The following MTIF2 variants were observed in gnomAD, a reference collection of about 807,000 sequenced individuals.
MTIF2 encodes the protein mitochondrial translational initiation factor 2.
MTIF2 carries 71 observed loss-of-function variants against 83.5 expected under a neutral mutation model. The observed-to-expected ratio is 0.85, with a 90% CI of 0.70 to 1.04. The LOEUF is 1.04. MTIF2 is among the 50% of genes least tolerant of loss of function. The pLI, the probability that MTIF2 is intolerant of heterozygous loss-of-function variation, is 0.00. For synonymous variants in MTIF2, 319 were observed against 287.1 expected (o/e 1.11, Z -1.12); for missense variants, 957 against 846.5 (o/e 1.13, Z -1.62).
chr2:55,237,654 T>TTC lies in MTIF2; in HGVS notation c.1871-227_1871-226insGA, dbSNP rs1553366552. On this transcript the variant is annotated intron_variant, in intron 14 of 15. Coordinates refer to ENST00000263629, the MANE Select transcript of MTIF2 (RefSeq NM_002453.3). The stretch of plus-strand genomic sequence containing the variant: ...TCTTTTCCTTTTCTTTTTTTCTTTT[T>TTC]TTTTTTTTTTTTTTGAGACAGAGTC... 1.7e-4 allele frequency among the ~76,000 whole-genome samples: 24 copies of TTC among 139,342 alleles called. 1 individual carries two copies. The highest frequency in any genetic ancestry group is 2.9e-4 in the Admixed American group (4 of 14,002). 91.4% of individuals were successfully genotyped at this position (139,342 alleles called of 152,430 possible).
intron 5 of MTIF2, among the ~76,000 whole-genome samples, chr2:55,261,941 C>CA (rs5831348): frequency 0.11 from 9,340 of 86,974 alleles, 971 homozygotes; most frequent in African/African-American, 0.32. Flanking sequence ...AAAAAAAAAC[C>CA]AAAAAAAAAA....
intron 13 of MTIF2, among the ~76,000 whole-genome samples, chr2:55,240,573 C>T (rs911721913): frequency 6.6e-6 from 1 of 151,914 alleles, no homozygotes; most frequent in African/African-American, 2.4e-5. Flanking sequence ...GAGCAAAACT[C>T]CATCTCAAAA....
Position 55,242,980 on chromosome 2 carries a change from A to G in MTIF2, c.1665T>C (p.Asp555=). 6.2e-7 allele frequency: 1 copy of G among 1,612,592 alleles called. No individual in the cohort carries two copies. The highest frequency in any genetic ancestry group is 8.5e-7 in the Non-Finnish European group (1 of 1,179,386). Residue 555 remains aspartate (D), a synonymous_variant, in exon 13 of 16, where the codon GAT becomes GAC. Transcript: ENST00000263629. ...CAAGGTTAACATCATTTGCACTTAC[A>G]TCACCCACTCCAAAATGTACTAATT... ...ELELVHFGVG[D]VSANDVNLAE... is the part of the protein sequence containing the mutation.
At chr2:55,257,703 C>G (rs1031525568) in intron 5 of MTIF2, among the ~76,000 whole-genome samples, 2 of 152,144 alleles carry the variant, frequency 1.3e-5, no homozygotes, top group Non-Finnish European at 2.9e-5. Flanking sequence ...AGTCTTTTTA[C>G]CATATAGATA....
At chr2:55,245,269 C>T (rs1458260437) in intron 10 of MTIF2, among the ~76,000 whole-genome samples, 1 of 152,042 alleles carries the variant, frequency 6.6e-6, no homozygotes, top group African/African-American at 2.4e-5. Context: ...CGCCTGTAAT[C>T]CCAGCACTTT....
At chr2:55,264,871 C>T (rs1678310877) in intron 3 of MTIF2, among the ~76,000 whole-genome samples, 1 of 152,088 alleles carries the variant, frequency 6.6e-6, no homozygotes, top group Non-Finnish European at 1.5e-5. Context: ...CCTCTATTGC[C>T]TCTGCTCTCA....
chr2:55,242,284 T>C (rs77138548), intron 13 of MTIF2, among the ~76,000 whole-genome samples: 1 of 152,224 alleles, frequency 6.6e-6, no homozygotes, highest in African/African-American at 2.4e-5. Context: ...TTTTCAGTAG[T>C]AGAGGTGATA....
At chr2:55,241,342 C>G (rs1310640652) in intron 13 of MTIF2, among the ~76,000 whole-genome samples, 1 of 150,666 alleles carries the variant, frequency 6.6e-6, no homozygotes, top group Non-Finnish European at 1.5e-5. Context: ...CTCTTGAACC[C>G]AGGAGGTGGT....
intron 9 of MTIF2, among the ~76,000 whole-genome samples, 176 bp downstream of exon 9, chr2:55,249,219 G>C (rs954253062): frequency 3.9e-5 from 6 of 152,122 alleles, no homozygotes; most frequent in African/African-American, 1.4e-4. Context: ...TGACCTCTCT[G>C]AGCCTAACTC....
intron 4 of MTIF2, among the ~76,000 whole-genome samples, chr2:55,263,200 T>C (rs979586557): frequency 2.6e-5 from 4 of 152,172 alleles, no homozygotes; most frequent in Non-Finnish European, 4.4e-5. Flanking sequence ...CCATAAGTAG[T>C]TAAACCTTAA....
At chr2:55,268,989 TG>T (rs1678639427) in intron 1 of MTIF2, 179 bp downstream of exon 1, 1 of 152,006 alleles carries the variant, frequency 6.6e-6, no homozygotes, top group South Asian at 2.1e-4. Flanking sequence ...ACAGTGCACA[TG>T]CCTTCGTGAA....
chr2:55,243,478 A>T lies in MTIF2; in HGVS notation c.1502T>A (p.Ile501Lys). 4 of 1,613,718 alleles carry T rather than the reference A, an allele frequency of 2.5e-6. No individual in the cohort carries two copies. The highest frequency in any genetic ancestry group is 3.4e-6 in the Non-Finnish European group (4 of 1,179,698). The change falls in exon 12 of 16, where the codon ATA (isoleucine) becomes AAA (lysine). Residue 501 changes from isoleucine (I) to lysine (K), a missense_variant. Ile to Lys is a moderately radical substitution (Grantham distance 102). This residue lies in a region of MTIF2 where 733 missense variants were observed against 648.7 expected (regional missense o/e 1.13). Coordinates refer to ENST00000263629, the MANE Select transcript of MTIF2 (RefSeq NM_002453.3). Reference sequence around the variant, plus strand: ...CCTTTTCTCTTTTGGCTTTAAGGGTATTTGTTCTTTTCTTTCTAAAAACCG... The same window carrying T: ...CCTTTTCTCTTTTGGCTTTAAGGGTTTTTGTTCTTTTCTTTCTAAAAACCG... ...ILRFLERKEQ[I>K]PLKPKEKRER...
intron 10 of MTIF2, 27 bp downstream of exon 10, chr2:55,246,310 A>C: frequency 6.4e-7 from 1 of 1,567,744 alleles, no homozygotes; most frequent in Non-Finnish European, 8.7e-7. Context: ...GAACAAATTA[A>C]AAAGGCAAGC....
intron 4 of MTIF2, among the ~76,000 whole-genome samples, chr2:55,262,936 C>T (rs1483315675): frequency 6.6e-6 from 1 of 152,166 alleles, no homozygotes. Context: ...GCCATGTTGG[C>T]CAGGCTAGTC....
At chr2:55,243,117 G>T (rs377510254) in intron 12 of MTIF2, 37 bp from the exon 13 acceptor site, 4 of 1,555,466 alleles carry the variant, frequency 2.6e-6, no homozygotes, top group East Asian at 2.3e-5. Flanking sequence ...TTGCTTTTAA[G>T]AGTTAGACAT....
intron 13 of MTIF2, among the ~76,000 whole-genome samples, chr2:55,242,645 C>T (rs952439918): frequency 6.6e-6 from 1 of 151,976 alleles, no homozygotes; most frequent in Non-Finnish European, 1.5e-5. Context: ...AGTAAAGAAC[C>T]AGGAGGAGTA....
Position 55,236,649 on chromosome 2 carries a change from TA to T in MTIF2, c.2182del (p.Ter728LysfsTer7). The part of the protein sequence containing the change: ...QAKTSWDPGF[*>X] ...GTTATTTACATTTTTAATGTAATTT[TA>T]AAATCCTGGATCCCAAGAAGTCTTG... On this transcript the variant is annotated frameshift_variant and stop_lost, in exon 16 of 16. Coordinates refer to ENST00000263629, the MANE Select transcript of MTIF2 (RefSeq NM_002453.3). LOFTEE classifies it high-confidence loss of function. 1 of 1,584,446 alleles carries T rather than the reference TA, an allele frequency of 6.3e-7. No homozygotes were observed. Among genetic ancestry groups the T allele is most frequent in the Non-Finnish European group, 8.5e-7 (1 of 1,170,470 alleles).
At position 55,237,289 on chromosome 2, in the gene MTIF2, C is replaced by T. The variant is rs982876852; in HGVS notation, c.2010G>A (p.Lys670=). The change falls in exon 15 of 16, where the codon AAG becomes AAA. Residue 670 remains lysine (K), a splice_region_variant and synonymous_variant. Transcript: ENST00000263629. ...KLTRNGHVIW[K]GSLTSLKHHK... The stretch of plus-strand genomic sequence containing the variant: ...ATAGGAGATTTTGATGTTGCTTACC[C>T]TTCCAAATTACATGTCCATTACGGG... 8.7e-6 allele frequency: 14 copies of T among 1,611,012 alleles called. No individual in the cohort carries two copies. The highest frequency in any genetic ancestry group is 2.2e-5 in the East Asian group (1 of 44,840).
chr2:55,262,535 T>G (rs181110446), intron 4 of MTIF2, 108 bp from the exon 5 acceptor site: 2 of 468,818 alleles, frequency 4.3e-6, no homozygotes, highest in Non-Finnish European at 3.6e-6. Context: ...TTCTTTCTTT[T>G]TTTTTCTTTT....
Sources: gnomAD v4.1 joint callset for allele counts (sites outside exome capture counted in the v4.1 genomes callset) on GRCh38, gnomAD v4.1.1 for gene constraint, gnomAD v4.1.1 regional missense constraint, MANE v1.5 for transcripts, NCBI Gene and HGNC (gene_info 2026-07-23, HGNC 2026-07-21) for gene names.